Variants in BNC2 observed in about 807,000 individuals in gnomAD.
BNC2 encodes the protein basonuclin zinc finger protein 2, also known as zinc finger protein basonuclin-2.
A neutral mutation model predicts 76.3 loss-of-function variants in BNC2; 20 were observed. That is an observed-to-expected ratio of 0.26 (90% confidence interval 0.18 to 0.38). The LOEUF (loss-of-function observed/expected upper bound fraction) is 0.38, where lower values mean the gene tolerates loss of function less well. Among genes scored for constraint, BNC2 ranks in the 10% least tolerant of loss-of-function variants. BNC2 has a pLI of 1.00. For missense variants in BNC2, 1,382 were observed against 1,399.8 expected (o/e 0.99, Z 0.20); for synonymous variants, 582 against 514.8 (o/e 1.13, Z -1.77).
intron 5 of BNC2, among the ~76,000 whole-genome samples, chr9:16,542,268 C>A (rs954942873): frequency 6.6e-6 from 1 of 151,834 alleles, no homozygotes; most frequent in African/African-American, 2.4e-5. Flanking sequence ...AAAATACATC[C>A]CAGACAATGT....
At chr9:16,499,534 T>TC (rs1822474482) in intron 5 of BNC2, among the ~76,000 whole-genome samples, 1 of 146,648 alleles carries the variant, frequency 6.8e-6, no homozygotes, top group African/African-American at 2.5e-5. Flanking sequence ...TTTTTTCTTT[T>TC]TTTTTTTTTT....
At chr9:16,532,382 G>C (rs912615308) in intron 5 of BNC2, among the ~76,000 whole-genome samples, 2 of 152,088 alleles carry the variant, frequency 1.3e-5, no homozygotes, top group African/African-American at 4.8e-5. Flanking sequence ...ATGGGACCAG[G>C]TGGTGTTTAG....
intron 1 of BNC2, among the ~76,000 whole-genome samples, chr9:16,860,355 A>G (rs900272405): frequency 2.0e-5 from 3 of 152,202 alleles, no homozygotes; most frequent in East Asian, 1.9e-4. Context: ...TCAATGGAAT[A>G]GAACAGAAAT....
chr9:16,433,461 C>T (rs1020321806), intron 6 of BNC2, among the ~76,000 whole-genome samples: 4 of 152,074 alleles, frequency 2.6e-5, no homozygotes, highest in Non-Finnish European at 5.9e-5. Flanking sequence ...ACTCTTCTTC[C>T]CACCTAGAAT....
intron 1 of BNC2, among the ~76,000 whole-genome samples, chr9:16,822,826 C>T (rs1417015015): frequency 1.3e-5 from 2 of 152,126 alleles, no homozygotes; most frequent in African/African-American, 2.4e-5. Flanking sequence ...TCTAATCAAA[C>T]GTTCCAACAT....
chr9:16,716,961 A>G (rs1211120792), intron 3 of BNC2, among the ~76,000 whole-genome samples: 1 of 152,212 alleles, frequency 6.6e-6, no homozygotes, highest in Admixed American at 6.5e-5. Flanking sequence ...CAAAATCATA[A>G]TGATCATACT....
chr9:16,684,335 C>G (rs1285177765), intron 3 of BNC2, among the ~76,000 whole-genome samples: 1 of 152,182 alleles, frequency 6.6e-6, no homozygotes, highest in African/African-American at 2.4e-5. Flanking sequence ...CTAGGAAATA[C>G]ATGATCGTGT....
Position 16,425,736 on chromosome 9 carries a change from T to C in BNC2, c.2640-6087A>G, listed in dbSNP as rs139596728. The stretch of plus-strand genomic sequence containing the variant: ...GACGTTAGTGAGAATTATTGGTTTG[T>C]TGGCAGAGGCAAACATGTCTTTCGC... On this transcript the variant is annotated intron_variant, in intron 6 of 6. Coordinates refer to ENST00000380672, the MANE Select transcript of BNC2 (RefSeq NM_017637.6). Among the ~76,000 whole-genome samples, 354 of 152,346 alleles carry C rather than the reference T, an allele frequency of 2.3e-3. 1 individual carries two copies. The highest frequency in any genetic ancestry group is 7.8e-3 in the African/African-American group (325 of 41,582).
chr9:16,461,854 A>C (rs1355056082), intron 5 of BNC2, among the ~76,000 whole-genome samples: 1 of 152,212 alleles, frequency 6.6e-6, no homozygotes, highest in Non-Finnish European at 1.5e-5. Flanking sequence ...TGCACCTGCC[A>C]CTGAGCTGGA....
At chr9:16,552,483 C>CCCA (rs1818693816) in intron 5 of BNC2, 47 bp downstream of exon 5, 4 of 1,549,790 alleles carry the variant, frequency 2.6e-6, no homozygotes, top group Non-Finnish European at 3.5e-6. Context: ...CCCTTCCCCA[C>CCCA]CCACAGTCGG....
At chr9:16,801,546 C>T (rs1001691136) in intron 1 of BNC2, among the ~76,000 whole-genome samples, 21 of 151,886 alleles carry the variant, frequency 1.4e-4, no homozygotes, top group African/African-American at 4.4e-4. Context: ...CCATTCCTCA[C>T]CTTTAAATGC....
At chr9:16,565,232 A>G (rs563361868) in intron 4 of BNC2, among the ~76,000 whole-genome samples, 12 of 152,266 alleles carry the variant, frequency 7.9e-5, no homozygotes, top group East Asian at 3.9e-4. Context: ...CTTCACACAC[A>G]TAACTGCCCC....
chr9:16,468,040 C>A (rs202081808), intron 5 of BNC2, among the ~76,000 whole-genome samples: 1 of 129,554 alleles, frequency 7.7e-6, no homozygotes, highest in African/African-American at 3.1e-5. Flanking sequence ...CTTTCTTTCT[C>A]TTTTTTTTTT....
chr9:16,471,110 T>A (rs1426517405), intron 5 of BNC2, among the ~76,000 whole-genome samples: 3 of 152,178 alleles, frequency 2.0e-5, no homozygotes, highest in Non-Finnish European at 4.4e-5. Context: ...GTGATGTGGA[T>A]GTGAGACCTG....
At chr9:16,817,554 A>C (rs181427204) in intron 1 of BNC2, among the ~76,000 whole-genome samples, 26 of 152,336 alleles carry the variant, frequency 1.7e-4, no homozygotes, top group Admixed American at 1.4e-3. Flanking sequence ...GAAGAGGCAT[A>C]AACCCACAAG....
intron 5 of BNC2, among the ~76,000 whole-genome samples, chr9:16,484,194 G>A (rs889805411): frequency 1.3e-5 from 2 of 152,168 alleles, no homozygotes; most frequent in Admixed American, 1.3e-4. Context: ...GAACAGTCTA[G>A]GCCGTTTTAC....
chr9:16,619,117 A>G (rs1820793176), intron 3 of BNC2, among the ~76,000 whole-genome samples: 1 of 152,148 alleles, frequency 6.6e-6, no homozygotes, highest in Non-Finnish European at 1.5e-5. Context: ...GGGAAAGAGA[A>G]TAATTCAAGA....
intron 3 of BNC2, among the ~76,000 whole-genome samples, chr9:16,693,978 G>A (rs1823260316): frequency 6.6e-6 from 1 of 152,186 alleles, no homozygotes; most frequent in Admixed American, 6.5e-5. Context: ...CAAGAGTGAA[G>A]ATGTATTTAC....
intron 4 of BNC2, among the ~76,000 whole-genome samples, chr9:16,571,436 A>G (rs372603730): frequency 6.6e-6 from 1 of 152,106 alleles, no homozygotes; most frequent in East Asian, 1.9e-4. Context: ...TCCTTCTATG[A>G]TCTGTTTCCA....
Sources: gnomAD v4.1 joint callset for allele counts (sites outside exome capture counted in the v4.1 genomes callset) on GRCh38, gnomAD v4.1.1 for gene constraint, MANE v1.5 for transcripts, NCBI Gene and HGNC (gene_info 2026-07-23, HGNC 2026-07-21) for gene names.